The following CARMIL1 variants were observed in gnomAD, a reference collection of about 807,000 sequenced individuals.
The protein encoded by CARMIL1 is capping protein regulator and myosin 1 linker 1, also known as F-actin-uncapping protein LRRC16A.
Under a neutral mutation model 177.1 loss-of-function variants are expected in CARMIL1, and 90 were observed. That is an observed-to-expected ratio of 0.51 (90% confidence interval 0.43 to 0.61). CARMIL1 has a LOEUF of 0.61. Among genes scored for constraint, CARMIL1 ranks in the 20% least tolerant of loss-of-function variants. CARMIL1 has a pLI of 0.00. For synonymous variants in CARMIL1, 577 were observed against 606.2 expected, an observed-to-expected ratio of 0.95 and a Z score of 0.71; for missense variants, 1,380 against 1,667.0, an observed-to-expected ratio of 0.83 and a Z score of 3.00.
At chr6:25,585,854 C>G (rs1219823775) in intron 31 of CARMIL1, among the ~76,000 whole-genome samples, 1 of 151,790 alleles carries the variant, frequency 6.6e-6, no homozygotes. Flanking sequence ...TCAGAGAGCA[C>G]GGGGTTGGGG....
intron 2 of CARMIL1, among the ~76,000 whole-genome samples, chr6:25,302,460 TGAG>T (rs1464408171): frequency 6.6e-6 from 1 of 152,220 alleles, no homozygotes; most frequent in Non-Finnish European, 1.5e-5. Flanking sequence ...CTAGTATCCT[TGAG>T]GAGATTGTAA....
chr6:25,409,577 A>C (rs760611003), intron 2 of CARMIL1, among the ~76,000 whole-genome samples: 1 of 152,162 alleles, frequency 6.6e-6, no homozygotes, highest in South Asian at 2.1e-4. Flanking sequence ...TTGCCATCTT[A>C]CCAGCTGCCT....
chr6:25,317,562 CTTTTTTTT>C (rs33992407), intron 2 of CARMIL1, among the ~76,000 whole-genome samples: 1 of 107,160 alleles, frequency 9.3e-6, no homozygotes, highest in Non-Finnish European at 1.7e-5. Flanking sequence ...TTACTTAGGA[CTTTTTTTT>C]TTTTTTTTTT....
At chr6:25,358,818 A>G (rs1463837219) in intron 2 of CARMIL1, among the ~76,000 whole-genome samples, 1 of 152,232 alleles carries the variant, frequency 6.6e-6, no homozygotes, top group Non-Finnish European at 1.5e-5. Context: ...AAACAGGTGT[A>G]CTTGGTGTAT....
chr6:25,500,320 A>G, intron 17 of CARMIL1, 85 bp downstream of exon 17: 2 of 1,114,066 alleles, frequency 1.8e-6, no homozygotes, highest in Non-Finnish European at 2.7e-6. Context: ...TGATACTGTG[A>G]TTCCACAGGG....
intron 31 of CARMIL1, among the ~76,000 whole-genome samples, chr6:25,592,629 A>G (rs1582465807): frequency 6.6e-6 from 1 of 152,296 alleles, no homozygotes; most frequent in East Asian, 1.9e-4. Flanking sequence ...TCAAACACAT[A>G]GTTCATTTTC....
chr6:25,339,592 C>T (rs546143744), intron 2 of CARMIL1, among the ~76,000 whole-genome samples: 52 of 152,262 alleles, frequency 3.4e-4, no homozygotes, highest in Middle Eastern at 6.8e-3. Flanking sequence ...AGCAGTGTGG[C>T]CTTAGGCAGA....
intron 5 of CARMIL1, among the ~76,000 whole-genome samples, chr6:25,441,663 G>A (rs749252850): frequency 1.3e-5 from 2 of 151,964 alleles, no homozygotes; most frequent in Admixed American, 6.6e-5. Flanking sequence ...CACTGTTATC[G>A]TGTGTTTTGT....
intron 2 of CARMIL1, among the ~76,000 whole-genome samples, chr6:25,408,732 G>A (rs942587733): frequency 7.9e-5 from 12 of 151,742 alleles, no homozygotes; most frequent in Admixed American, 4.6e-4. Flanking sequence ...AGTTGGGGCT[G>A]TATAGAAAGT....
chr6:25,380,099 G>A (rs1440074417), intron 2 of CARMIL1, among the ~76,000 whole-genome samples: 1 of 152,148 alleles, frequency 6.6e-6, no homozygotes, highest in Non-Finnish European at 1.5e-5. Flanking sequence ...TTCTAAAGCT[G>A]TGTCTTTGGG....
At chr6:25,539,642 A>G (rs1808696762) in intron 25 of CARMIL1, among the ~76,000 whole-genome samples, 1 of 151,126 alleles carries the variant, frequency 6.6e-6, no homozygotes, top group Non-Finnish European at 1.5e-5. Context: ...AAAAAAAAAA[A>G]AAAAAAAAAA....
intron 16 of CARMIL1, among the ~76,000 whole-genome samples, chr6:25,497,938 A>G (rs1405830502): frequency 6.6e-6 from 1 of 152,084 alleles, no homozygotes; most frequent in South Asian, 2.1e-4. Context: ...ATGTATTTCA[A>G]GGGGGTTTAG....
intron 12 of CARMIL1, among the ~76,000 whole-genome samples, chr6:25,482,924 C>T: frequency 6.6e-6 from 1 of 152,102 alleles, no homozygotes; most frequent in Admixed American, 6.6e-5. Flanking sequence ...ATTCTTTGTG[C>T]CTTTGTGTAT....
intron 2 of CARMIL1, among the ~76,000 whole-genome samples, chr6:25,352,504 A>G (rs541321711): frequency 6.6e-6 from 1 of 152,214 alleles, no homozygotes; most frequent in Non-Finnish European, 1.5e-5. Flanking sequence ...AGTGGACTTT[A>G]TCATTCTCCC....
chr6:25,580,866 A>C (rs1483495818), intron 29 of CARMIL1, 58 bp from the exon 30 acceptor site: 2 of 1,321,546 alleles, frequency 1.5e-6, no homozygotes, highest in African/African-American at 2.9e-5. Context: ...CAGAAGTTTG[A>C]AAGGCAAGTT....
chr6:25,307,795 C>T (rs1297101556), intron 2 of CARMIL1, among the ~76,000 whole-genome samples: 1 of 152,070 alleles, frequency 6.6e-6, no homozygotes, highest in Non-Finnish European at 1.5e-5. Context: ...TTTTGGGGGA[C>T]CACTCTGCAG....
In CARMIL1 at chr6:25,441,337, A is replaced by ATATATGTG; in HGVS notation, c.371+5734_371+5735insATATGTGT. Among the ~76,000 whole-genome samples the ATATATGTG allele has an allele frequency of 7.4e-3, 701 of 94,504 alleles. 8 individuals are homozygous for ATATATGTG. The highest frequency in any genetic ancestry group is 0.014 in the African/African-American group (326 of 22,864). The allele number at this position is 94,504 out of a possible 152,430, so 62.0% of individuals were successfully genotyped here. ...CAAACAAACATATATATATATATAT[A>ATATATGTG]TGTGTGTGTGTGTGTGTGTGTGTGT... On this transcript the variant is annotated intron_variant, in intron 5 of 36. Transcript: ENST00000329474.
At chr6:25,310,058 C>T (rs1783660811) in intron 2 of CARMIL1, among the ~76,000 whole-genome samples, 1 of 151,992 alleles carries the variant, frequency 6.6e-6, no homozygotes, top group South Asian at 2.1e-4. Flanking sequence ...GTGAGCCACC[C>T]CGCCGGGCCA....
intron 2 of CARMIL1, among the ~76,000 whole-genome samples, chr6:25,385,538 A>T (rs1012044566): frequency 1.3e-5 from 2 of 152,200 alleles, no homozygotes; most frequent in African/African-American, 4.8e-5. Context: ...ATGCCCTGTT[A>T]TAGTCATTTG....
Sources: allele counts gnomAD v4.1 joint callset (sites outside exome capture counted in the v4.1 genomes callset), GRCh38; gene constraint gnomAD v4.1.1; transcripts MANE v1.5; gene names NCBI Gene and HGNC (gene_info 2026-07-23, HGNC 2026-07-21).